The following DOCK9 variants were observed in gnomAD, a reference collection of about 807,000 sequenced individuals.
DOCK9 encodes the protein dedicator of cytokinesis protein 9.
A neutral mutation model predicts 263.3 loss-of-function variants in DOCK9; 89 were observed. The observed-to-expected ratio is 0.34, with a 90% confidence interval of 0.28 to 0.40. DOCK9 has a LOEUF of 0.40. Among genes scored for constraint, DOCK9 ranks in the 10% least tolerant of loss-of-function variants. The pLI is 1.00. For missense variants in DOCK9, 2,140 were observed against 2,603.4 expected, an observed-to-expected ratio of 0.82 and a Z score of 3.87; for synonymous variants, 976 against 973.1, an observed-to-expected ratio of 1.00 and a Z score of -0.06.
chr13:98,930,028 A>C, intron 3 of DOCK9, 140 bp downstream of exon 3: 1 of 732,820 alleles, frequency 1.4e-6, no homozygotes, highest in Admixed American at 2.7e-5. Context: ...TGAAAAATTC[A>C]CATTATTCTA....
At position 98,805,159 on chromosome 13, in the gene DOCK9, G is replaced by A. The variant is rs41279130; in HGVS notation, c.5565C>T (p.His1855=). 70,993 of 1,607,482 alleles carry A rather than the reference G, an allele frequency of 0.044. 1,839 individuals carry two copies. Among genetic ancestry groups the A allele is most frequent in the Middle Eastern group, 0.084 (510 of 6,050 alleles). ...DSKYAYIQVT[H]VIPFFDEKEL... ...CTTTTTCGTCAAAGAAGGGGATGAC[G>A]TGAGTCACCTGGATGTATGCATACT... Residue 1855 remains histidine, a synonymous_variant, in exon 49 of 53, where the codon CAC becomes CAT. Transcript: ENST00000682017.
rs554391074 is a variant in DOCK9, at chr13:99,041,149, AT to A, written c.129+45073del. Among the ~76,000 whole-genome samples, 881 of 152,044 alleles carry A rather than the reference AT, an allele frequency of 5.8e-3. 3 individuals carry two copies. Among genetic ancestry groups the A allele is most frequent in the South Asian group, 0.011 (51 of 4,812 alleles). On this transcript the variant is annotated intron_variant, in intron 1 of 32. Transcript: ENST00000427887. ...GGGTAGAAATAAGACAAGCAGATGT[AT>A]TTTTTTCCCCTGATTTCTTTACACT...
At chr13:98,843,905 A>C (rs773353058) in intron 38 of DOCK9, among the ~76,000 whole-genome samples, 4 of 152,164 alleles carry the variant, frequency 2.6e-5, no homozygotes, top group Non-Finnish European at 5.9e-5. Context: ...CATTCATTTA[A>C]TTTTTGTTTT....
chr13:98,809,248 A>G, intron 47 of DOCK9, 104 bp downstream of exon 47: 1 of 1,259,614 alleles, frequency 7.9e-7, no homozygotes, highest in Non-Finnish European at 1.1e-6. Context: ...TACAGAAAAC[A>G]GAGAATTTAT....
intron 7 of DOCK9, among the ~76,000 whole-genome samples, chr13:98,920,027 AGATG>A (rs577903151): frequency 1.3e-5 from 2 of 152,060 alleles, no homozygotes; most frequent in Non-Finnish European, 2.9e-5. Context: ...AGGGGTGGAC[AGATG>A]GATGGATGGA....
At chr13:98,799,193 G>A (rs2089808914) in intron 50 of DOCK9, among the ~76,000 whole-genome samples, 1 of 152,164 alleles carries the variant, frequency 6.6e-6, no homozygotes. Context: ...ACAACTCACG[G>A]TTCTTTAGCG....
chr13:98,977,841 C>G lies in DOCK9; in HGVS notation c.69G>C (p.Leu23=), dbSNP rs199968526. 9.2e-5 allele frequency: 148 copies of G among 1,608,728 alleles called. 1 individual carries two copies. Among genetic ancestry groups the G allele is most frequent in the Admixed American group, 5.9e-4 (35 of 59,320 alleles). ...CGCCCTGAGCTGCATCCTTGTATTG[C>G]AGGGGGGACTCAATCACCAGTTCCT... is the stretch of plus-strand genomic sequence containing the variant. ...VKKELVIESP[L]QYKDAAQGEV... is the part of the protein sequence containing the mutation. The change falls in exon 1 of 53, where the codon CTG becomes CTC. Residue 23 remains leucine, a synonymous_variant. Coordinates refer to ENST00000682017, the MANE Select transcript of DOCK9 (RefSeq NM_001366683.2).
At chr13:98,999,353 G>A (rs556604818) in intron 1 of DOCK9, among the ~76,000 whole-genome samples, 1 of 141,946 alleles carries the variant, frequency 7.0e-6, no homozygotes, top group Non-Finnish European at 1.6e-5. Context: ...TGACTAATGA[G>A]AGGATACCAA....
At chr13:98,807,505 G>A (rs1028753998) in intron 48 of DOCK9, among the ~76,000 whole-genome samples, 156 bp downstream of exon 48, 3 of 152,138 alleles carry the variant, frequency 2.0e-5, no homozygotes, top group African/African-American at 7.2e-5. Context: ...GTAATGGAAA[G>A]CACTAAAGGT....
In DOCK9 at chr13:99,038,297, T is replaced by TCC. The variant is rs1566338495; in HGVS notation, c.129+47925_129+47926insGG. ...CTGGCTTTATGCCCCCCTTTTTTTT[T>TCC]TTTTTTTTTTTTTTTTTTTTTTTGG... On this transcript the variant is annotated intron_variant, in intron 1 of 32. Transcript: ENST00000427887. Among the ~76,000 whole-genome samples, 321 of 115,482 alleles carry TCC rather than the reference T, an allele frequency of 2.8e-3. 7 individuals carry two copies. Among genetic ancestry groups the TCC allele is most frequent in the South Asian group, 0.017 (49 of 2,892 alleles). 75.8% of individuals were successfully genotyped at this position (115,482 alleles called of 152,430 possible). A position where few individuals can be genotyped will look rare whatever the true frequency, so the allele number is the denominator to read the frequency against.
chr13:99,009,512 A>G (rs912535182), intron 1 of DOCK9, among the ~76,000 whole-genome samples: 3 of 152,102 alleles, frequency 2.0e-5, no homozygotes, highest in Non-Finnish European at 2.9e-5. Flanking sequence ...AACCGATATA[A>G]ATGTACAAGA....
rs767538794 is a variant in DOCK9 at position 98,883,022 on chromosome 13, C to CT, written c.2559+19dup. The CT allele has an allele frequency of 3.7e-6, 6 of 1,603,022 alleles. No individual in the cohort carries two copies. Among genetic ancestry groups the CT allele is most frequent in the Non-Finnish European group, 5.1e-6 (6 of 1,174,364 alleles). ...CTCCAAACTCACTTAAAAGGGGATA[C>CT]TAAGAAAGCCATGTGATACCTTAAG... On this transcript the variant is annotated intron_variant, in intron 23 of 52. Transcript: ENST00000682017.
At position 98,794,412 on chromosome 13, in the gene DOCK9, C is replaced by T. The variant is rs1209544626; in HGVS notation, c.*214G>A. 3.5e-6 allele frequency: 2 copies of T among 571,184 alleles called. No individual in the cohort carries two copies. The highest frequency in any genetic ancestry group is 3.4e-5 in the Admixed American group (1 of 29,170). The allele number at this position is 571,184 out of a possible 1,614,324, so 35.4% of individuals were successfully genotyped here. On this transcript the variant is annotated 3_prime_UTR_variant, in exon 53 of 53. Coordinates refer to ENST00000682017, the MANE Select transcript of DOCK9 (RefSeq NM_001366683.2). Reference sequence around the variant, plus strand: ...CACCTTTGTTAAGACACAATGAAAACTTTGAATATTGCCAGTGAGATTTAA... The same window carrying T: ...CACCTTTGTTAAGACACAATGAAAATTTTGAATATTGCCAGTGAGATTTAA...
At chr13:98,887,143 A>ATATATATATTTTTT (rs1470080750) in intron 18 of DOCK9, among the ~76,000 whole-genome samples, 1 of 95,292 alleles carries the variant, frequency 1.0e-5, no homozygotes, top group African/African-American at 4.3e-5. Context: ...ATATATATAT[A>ATATATATATTTTTT]TTTTTTTTTT....
At chr13:99,038,779 G>A (rs1280987059) in intron 1 of DOCK9, among the ~76,000 whole-genome samples, 1 of 152,180 alleles carries the variant, frequency 6.6e-6, no homozygotes, top group Non-Finnish European at 1.5e-5. Flanking sequence ...TCTTTAAAGG[G>A]GGATTACGAA....
At chr13:99,087,919 AC>A (rs1310491546), upstream of DOCK9, 38 of 152,352 alleles carry the variant, frequency 2.5e-4, no homozygotes, top group African/African-American at 9.2e-4. Flanking sequence ...CCGCCCAAAT[AC>A]CCAGAGGTTT....
rs183827417 is a variant in DOCK9, at chr13:99,006,898, C to T, written c.130-51347G>A. 2.1e-4 allele frequency among the ~76,000 whole-genome samples: 32 copies of T among 151,574 alleles called. 1 individual carries two copies. In the Middle Eastern group the frequency reaches 0.017, roughly 83 times the overall value. ...CTTGAGTTCAGGAGTTCCAGACCAA[C>T]CTGACAACAAGGTGAAAACCCGTCT... On this transcript the variant is annotated intron_variant, in intron 1 of 32. Transcript: ENST00000427887.
intron 39 of DOCK9, among the ~76,000 whole-genome samples, chr13:98,837,246 G>C (rs2093038006): frequency 6.6e-6 from 1 of 152,166 alleles, no homozygotes; most frequent in South Asian, 2.1e-4. Flanking sequence ...TGCCTCCAGA[G>C]ACCGTGTTTC....
At chr13:98,883,177 C>T (rs753925335) in intron 22 of DOCK9, 46 bp from the exon 23 acceptor site, 1 of 1,469,368 alleles carries the variant, frequency 6.8e-7, no homozygotes, top group Non-Finnish European at 9.4e-7. Flanking sequence ...TATTAGAATA[C>T]ACGCTGTGGA....
Sources: gnomAD v4.1 joint callset for allele counts (sites outside exome capture counted in the v4.1 genomes callset) on GRCh38, gnomAD v4.1.1 for gene constraint, MANE v1.5 for transcripts, NCBI Gene and HGNC (gene_info 2026-07-23, HGNC 2026-07-21) for gene names.